Variants in AGFG1 observed in about 807,000 individuals in gnomAD.
AGFG1 encodes the protein ArfGAP with FG repeats 1.
A neutral mutation model predicts 60.6 loss-of-function variants in AGFG1; 10 were observed. The observed-to-expected ratio is 0.16, with a 90% confidence interval of 0.10 to 0.28. The LOEUF (loss-of-function observed/expected upper bound fraction) is 0.28. Ranked by LOEUF, AGFG1 falls within the 10% of genes least tolerant of loss-of-function variation. The pLI, the probability that AGFG1 is intolerant of heterozygous loss-of-function variation, is 1.00. For missense variants in AGFG1, 537 were observed against 676.5 expected (o/e 0.79, Z 2.29); for synonymous variants, 247 against 242.9 (o/e 1.02, Z -0.16).
In AGFG1 at chr2:227,552,065, T is replaced by C. The variant is rs571478741; in HGVS notation, c.1485T>C (p.Phe495=). Residue 495 remains phenylalanine (F), a synonymous_variant, in exon 11 of 13, where the codon TTT becomes TTC. Coordinates refer to ENST00000310078, the MANE Select transcript of AGFG1 (RefSeq NM_004504.5). ...SFSGSFQQPA[F]PAQAAFPQQT... is the part of the protein sequence containing the mutation. ...GTGGCAGCTTTCAGCAGCCTGCCTT[T>C]CCAGCCCAAGCAGCTTTCCCTCAAC... 9 of 1,614,216 alleles carry C rather than the reference T, an allele frequency of 5.6e-6. No individual in the cohort carries two copies. The South Asian group carries it at 9.9e-5, about 18-fold the overall frequency.
intron 2 of AGFG1, among the ~76,000 whole-genome samples, chr2:227,498,654 A>ATTT (rs1691054415): frequency 6.6e-6 from 1 of 152,246 alleles, no homozygotes; most frequent in Non-Finnish European, 1.5e-5. Flanking sequence ...AGAGAAATAC[A>ATTT]CTAACAAAAA....
Position 227,497,761 on chromosome 2 carries a change from T to TTTTTTTTTTTTTTG in AGFG1, c.261+6121_261+6122insTTTTTTTTTTTTTG, listed in dbSNP as rs546987888. Among the ~76,000 whole-genome samples, 10 of 65,158 alleles carry TTTTTTTTTTTTTTG rather than the reference T, an allele frequency of 1.5e-4. 2 individuals carry two copies. Among genetic ancestry groups the TTTTTTTTTTTTTTG allele is most frequent in the East Asian group, 5.4e-4 (1 of 1,854 alleles). The allele number at this position is 65,158 out of a possible 152,430, so 42.7% of individuals were successfully genotyped here. On this transcript the variant is annotated intron_variant, in intron 2 of 12. Transcript: ENST00000310078. ...TTTTTTTTTTTTTTTTTTTTTTTTTTGGGGACGGAGTCTTACTCTGTCGCC... is the reference window on the plus strand; with the variant it reads ...TTTTTTTTTTTTTTTTTTTTTTTTTTTTTTTTTTTTTTTGGGGGACGGAGTCTTACTCTGTCGCC...
At chr2:227,472,619 G>T (rs1690127039) in intron 1 of AGFG1, 31 bp downstream of exon 1, 3 of 1,549,366 alleles carry the variant, frequency 1.9e-6, no homozygotes, top group Non-Finnish European at 2.6e-6. Flanking sequence ...CGGGTGTCGG[G>T]CCCTTCCCGG....
chr2:227,491,756 G>T, intron 2 of AGFG1, 116 bp downstream of exon 2: 1 of 546,344 alleles, frequency 1.8e-6, no homozygotes, highest in Non-Finnish European at 3.1e-6. Flanking sequence ...AGTTATTTTT[G>T]TATTTTATAT....
rs1297078663 is a variant in AGFG1 at position 227,557,854 on chromosome 2, C to A, written c.*3359C>A. On this transcript the variant is annotated 3_prime_UTR_variant, in exon 13 of 13. Transcript: ENST00000310078. ...CAGGAGAATGAAAACTATGTAATAT[C>A]TCAGTAGTACAATGAAAATAGTTTG... The A allele has an allele frequency of 6.6e-6, 1 of 152,204 alleles. No homozygotes were observed. The highest frequency in any genetic ancestry group is 1.5e-5 in the Non-Finnish European group (1 of 68,040). The allele number at this position is 152,204 out of a possible 1,614,324, so 9.4% of individuals were successfully genotyped here. A position where few individuals can be genotyped will look rare whatever the true frequency, so the allele number is the denominator to read the frequency against.
chr2:227,552,269 G>T, intron 11 of AGFG1, 152 bp downstream of exon 11: 1 of 1,026,448 alleles, frequency 9.7e-7, no homozygotes, highest in Admixed American at 3.2e-5. Context: ...TGGTGATTTG[G>T]ACCTCAGAAA....
intron 1 of AGFG1, among the ~76,000 whole-genome samples, chr2:227,489,894 C>T (rs1014977113): frequency 1.3e-5 from 2 of 151,872 alleles, no homozygotes; most frequent in African/African-American, 4.8e-5. Context: ...TGGCTCACTG[C>T]AACCTCTGCC....
intron 1 of AGFG1, among the ~76,000 whole-genome samples, chr2:227,489,137 T>G (rs1395761343): frequency 1.3e-5 from 2 of 151,626 alleles, no homozygotes; most frequent in South Asian, 2.1e-4. Context: ...TTGAAACTAG[T>G]CTTTAGAGCC....
chr2:227,518,107 A>C (rs538564521), intron 2 of AGFG1, among the ~76,000 whole-genome samples: 4 of 152,268 alleles, frequency 2.6e-5, no homozygotes, highest in Middle Eastern at 3.4e-3. Flanking sequence ...CATAATCTTG[A>C]GGTTTATTCA....
At chr2:227,495,669 G>T (rs1311534302) in intron 2 of AGFG1, among the ~76,000 whole-genome samples, 1 of 152,134 alleles carries the variant, frequency 6.6e-6, no homozygotes, top group Non-Finnish European at 1.5e-5. Context: ...GTTAACGGAA[G>T]GTGGACTGGT....
At chr2:227,497,730 GTTTTGTT>G (rs1458242358) in intron 2 of AGFG1, among the ~76,000 whole-genome samples, 15 of 38,924 alleles carry the variant, frequency 3.9e-4, no homozygotes, top group African/African-American at 7.6e-4. Flanking sequence ...TTTCTTTCTT[GTTTTGTT>G]TTTTTTTTTT....
chr2:227,532,272 G>T (rs1575103624), intron 6 of AGFG1: 20 of 1,233,644 alleles, frequency 1.6e-5, no homozygotes, highest in Non-Finnish European at 2.3e-5. Context: ...TACTTCAAGG[G>T]TTTTTCCAGT....
At chr2:227,482,214 T>A (rs1690492083) in intron 1 of AGFG1, among the ~76,000 whole-genome samples, 1 of 152,218 alleles carries the variant, frequency 6.6e-6, no homozygotes, top group South Asian at 2.1e-4. Context: ...AAGTCATAAC[T>A]TGAATATTAT....
rs1692922402 is a variant in AGFG1 at position 227,554,722 on chromosome 2, TA to T, written c.*231del. On this transcript the variant is annotated 3_prime_UTR_variant, in exon 13 of 13. Coordinates refer to ENST00000310078, the MANE Select transcript of AGFG1 (RefSeq NM_004504.5). Reference sequence around the variant, plus strand: ...AAAAGGGTAGCGGTATCATGTATATTAAAATTGGCTAATATTAAGTTATTGC... The same window carrying T: ...AAAAGGGTAGCGGTATCATGTATATTAAATTGGCTAATATTAAGTTATTGC... 8 of 408,722 alleles carry T rather than the reference TA, an allele frequency of 2.0e-5. No individual in the cohort carries two copies. In the East Asian group the frequency reaches 3.1e-4, roughly 16 times the overall value. The allele number at this position is 408,722 out of a possible 1,614,324, so 25.3% of individuals were successfully genotyped here.
chr2:227,473,826 T>A (rs1690199264), intron 1 of AGFG1, among the ~76,000 whole-genome samples: 1 of 152,188 alleles, frequency 6.6e-6, no homozygotes, highest in Non-Finnish European at 1.5e-5. Context: ...AAAGAGGCAT[T>A]ATTAGTATTA....
chr2:227,478,972 A>G (rs1041484499), intron 1 of AGFG1, among the ~76,000 whole-genome samples: 5 of 152,332 alleles, frequency 3.3e-5, no homozygotes, highest in East Asian at 3.9e-4. Context: ...CACTTAAACT[A>G]TATACTTACC....
chr2:227,483,048 T>G (rs1002353824), intron 1 of AGFG1, among the ~76,000 whole-genome samples: 5 of 150,582 alleles, frequency 3.3e-5, no homozygotes, highest in African/African-American at 1.2e-4. Context: ...GAATGGGTGG[T>G]ACTTCAGTAT....
At chr2:227,503,079 A>G (rs1691208414) in intron 2 of AGFG1, among the ~76,000 whole-genome samples, 1 of 151,980 alleles carries the variant, frequency 6.6e-6, no homozygotes, top group Non-Finnish European at 1.5e-5. Context: ...CAAAAAATAC[A>G]AAAGTTAGCC....
chr2:227,503,935 C>T (rs767349909), intron 2 of AGFG1, among the ~76,000 whole-genome samples: 10 of 152,068 alleles, frequency 6.6e-5, no homozygotes, highest in Non-Finnish European at 1.5e-4. Context: ...TCATTTTTAG[C>T]TTACTAAAGG....
Sources: gnomAD v4.1 joint callset for allele counts (sites outside exome capture counted in the v4.1 genomes callset) on GRCh38, gnomAD v4.1.1 for gene constraint, MANE v1.5 for transcripts, NCBI Gene and HGNC (gene_info 2026-07-23, HGNC 2026-07-21) for gene names.